NPAS3: variants seen among roughly 807,000 people sequenced by gnomAD.
The protein encoded by NPAS3 is neuronal PAS domain protein 3, also known as neuronal PAS domain-containing protein 3.
A neutral mutation model predicts 73.1 loss-of-function variants in NPAS3; 14 were observed. The ratio of observed to expected loss-of-function variants is 0.19; its 90% confidence interval spans 0.13 to 0.30. The LOEUF (loss-of-function observed/expected upper bound fraction) is 0.30. Among genes scored for constraint, NPAS3 ranks in the 10% least tolerant of loss-of-function variants. The pLI is 1.00. For missense variants in NPAS3, 1,096 were observed against 1,250.0 expected (o/e 0.88, Z 1.86); for synonymous variants, 620 against 541.5 (o/e 1.14, Z -2.01).
At chr14:33,016,759 G>A (rs2039411877) in intron 1 of NPAS3, among the ~76,000 whole-genome samples, 2 of 151,592 alleles carry the variant, frequency 1.3e-5, no homozygotes, top group African/African-American at 2.4e-5. Flanking sequence ...CTCCCCTTGC[G>A]GCCTTCTGCC....
intron 3 of NPAS3, among the ~76,000 whole-genome samples, chr14:33,251,711 C>A (rs1023648039): frequency 6.6e-6 from 1 of 151,962 alleles, no homozygotes; most frequent in Non-Finnish European, 1.5e-5. Context: ...CAACAAATAG[C>A]CTTAAAAGGT....
chr14:33,702,603 A>C (rs888398241), intron 6 of NPAS3, among the ~76,000 whole-genome samples: 2 of 152,230 alleles, frequency 1.3e-5, no homozygotes, highest in African/African-American at 4.8e-5. Context: ...AACCTAGAAG[A>C]ACACTAACAT....
At chr14:32,982,169 G>A (rs762677640) in intron 1 of NPAS3, among the ~76,000 whole-genome samples, 4 of 152,236 alleles carry the variant, frequency 2.6e-5, no homozygotes, top group East Asian at 1.9e-4. Context: ...TCTTTACGGC[G>A]TGATTTCATG....
chr14:33,092,574 C>A (rs964787768), intron 2 of NPAS3, among the ~76,000 whole-genome samples: 1 of 152,298 alleles, frequency 6.6e-6, no homozygotes, highest in East Asian at 1.9e-4. Context: ...ATGCCATCCC[C>A]ATCAAGCTAC....
intron 7 of NPAS3, among the ~76,000 whole-genome samples, chr14:33,756,435 G>A (rs908098055): frequency 1.3e-5 from 2 of 152,192 alleles, no homozygotes; most frequent in Non-Finnish European, 2.9e-5. Flanking sequence ...GTAAAAGGGA[G>A]AACCAGACAG....
intron 3 of NPAS3, among the ~76,000 whole-genome samples, chr14:33,281,639 A>T (rs113733644): frequency 1.8e-4 from 27 of 152,018 alleles, no homozygotes; most frequent in African/African-American, 6.3e-4. Flanking sequence ...CTCAAAAAAA[A>T]TTTTTTTTCT....
chr14:33,213,013 G>A (rs771426945), intron 2 of NPAS3, among the ~76,000 whole-genome samples: 3 of 152,258 alleles, frequency 2.0e-5, no homozygotes, highest in East Asian at 1.9e-4. Context: ...TTGGGAAATG[G>A]CATATAAAAG....
At chr14:33,137,653 G>C (rs1207471906) in intron 2 of NPAS3, among the ~76,000 whole-genome samples, 2 of 152,076 alleles carry the variant, frequency 1.3e-5, no homozygotes, top group African/African-American at 4.8e-5. Flanking sequence ...CCTAGTATAC[G>C]TTACATAAGA....
chr14:33,366,329 A>G (rs2045842080), intron 3 of NPAS3, among the ~76,000 whole-genome samples: 1 of 152,134 alleles, frequency 6.6e-6, no homozygotes, highest in Non-Finnish European at 1.5e-5. Context: ...CCCACGTAAA[A>G]AAAAAAAATC....
chr14:32,937,937 C>T (rs556565713), upstream of NPAS3, among the ~76,000 whole-genome samples: 1 of 152,244 alleles, frequency 6.6e-6, no homozygotes, highest in South Asian at 2.1e-4. Context: ...GGATTCTAGC[C>T]CGGGCCCTGC....
intron 4 of NPAS3, among the ~76,000 whole-genome samples, chr14:33,461,287 G>T (rs1380232218): frequency 1.8e-4 from 27 of 152,164 alleles, no homozygotes; most frequent in Admixed American, 1.8e-3. Context: ...GCTTTTCAGG[G>T]TCTGGGAGAT....
At chr14:33,104,761 C>T (rs886762523) in intron 2 of NPAS3, among the ~76,000 whole-genome samples, 11 of 152,156 alleles carry the variant, frequency 7.2e-5, no homozygotes, top group Admixed American at 2.0e-4. Context: ...GAGAAATAAA[C>T]TCTTCAGTGA....
intron 4 of NPAS3, among the ~76,000 whole-genome samples, chr14:33,460,948 G>A (rs1163577286): frequency 6.6e-6 from 1 of 152,154 alleles, no homozygotes; most frequent in Non-Finnish European, 1.5e-5. Flanking sequence ...AATCTTCTGT[G>A]AGTTTTGTTA....
intron 6 of NPAS3, among the ~76,000 whole-genome samples, chr14:33,706,284 G>A (rs1264980606): frequency 1.3e-5 from 2 of 152,200 alleles, no homozygotes; most frequent in Non-Finnish European, 2.9e-5. Flanking sequence ...AGGGAGGATG[G>A]AGCTACCATT....
intron 5 of NPAS3, among the ~76,000 whole-genome samples, chr14:33,580,338 TA>T (rs201810351): frequency 2.0e-5 from 3 of 151,758 alleles, no homozygotes; most frequent in South Asian, 4.2e-4. Flanking sequence ...AATATGTTAG[TA>T]AAAAAAAATC....
intron 4 of NPAS3, among the ~76,000 whole-genome samples, chr14:33,407,181 T>C (rs2047704919): frequency 6.6e-6 from 1 of 152,188 alleles, no homozygotes; most frequent in African/African-American, 2.4e-5. Flanking sequence ...GGGTGATCTG[T>C]GTGCCAGCCT....
chr14:33,373,114 T>C (rs1331744751), intron 4 of NPAS3, among the ~76,000 whole-genome samples: 1 of 152,214 alleles, frequency 6.6e-6, no homozygotes, highest in Non-Finnish European at 1.5e-5. Flanking sequence ...AATTAACTAC[T>C]GGAATGACTT....
At chr14:33,760,238 T>C (rs950197940) in intron 7 of NPAS3, among the ~76,000 whole-genome samples, 1 of 152,112 alleles carries the variant, frequency 6.6e-6, no homozygotes, top group Non-Finnish European at 1.5e-5. Flanking sequence ...TTGACACCAT[T>C]TCTTCCTGAG....
At chr14:33,118,727 A>G (rs1239425332) in intron 2 of NPAS3, among the ~76,000 whole-genome samples, 1 of 152,128 alleles carries the variant, frequency 6.6e-6, no homozygotes, top group African/African-American at 2.4e-5. Flanking sequence ...AAGAACAATG[A>G]AACTTCCAAA....
Sources: allele counts gnomAD v4.1 joint callset (sites outside exome capture counted in the v4.1 genomes callset), GRCh38; gene constraint gnomAD v4.1.1; transcripts MANE v1.5; gene names NCBI Gene and HGNC (gene_info 2026-07-23, HGNC 2026-07-21).